Variants in PML observed in about 807,000 individuals in gnomAD.
PML encodes the protein protein PML.
Under a neutral mutation model 65.2 loss-of-function variants are expected in PML, and 28 were observed. That is an observed-to-expected ratio of 0.43 (90% CI 0.32 to 0.59). The LOEUF (loss-of-function observed/expected upper bound fraction) is 0.59. Ranked by LOEUF, PML falls within the 20% of genes least tolerant of loss-of-function variation. The pLI is 0.08. For synonymous variants in PML, 500 were observed against 508.8 expected (o/e 0.98, Z 0.23); for missense variants, 1,021 against 1,203.4 (o/e 0.85, Z 2.24).
intron 5 of PML, 94 bp from the exon 6 acceptor site, chr15:74,033,061 CA>C: frequency 7.2e-7 from 1 of 1,379,752 alleles, no homozygotes; most frequent in South Asian, 1.2e-5. Flanking sequence ...ACAGCAGGAG[CA>C]AAAGGGTGGC....
intron 2 of PML, among the ~76,000 whole-genome samples, chr15:74,007,661 G>A (rs1056400682): frequency 3.3e-5 from 5 of 152,184 alleles, no homozygotes; most frequent in Admixed American, 1.3e-4. Flanking sequence ...CCTGGGACTC[G>A]GGGTGTCTGC....
intron 2 of PML, among the ~76,000 whole-genome samples, chr15:74,020,154 C>T (rs1464948428): frequency 3.3e-5 from 5 of 152,116 alleles, no homozygotes; most frequent in South Asian, 2.1e-4. Context: ...TCTAATTAAA[C>T]GTAGCATTGA....
chr15:74,004,490 T>C (rs2069939076), intron 2 of PML, among the ~76,000 whole-genome samples: 1 of 152,090 alleles, frequency 6.6e-6, no homozygotes, highest in Non-Finnish European at 1.5e-5. Context: ...TATGTAGAGA[T>C]AGGGTCTCAC....
At chr15:74,029,268 AT>A (rs1274114084) in intron 4 of PML, among the ~76,000 whole-genome samples, 3 of 152,128 alleles carry the variant, frequency 2.0e-5, no homozygotes, top group Non-Finnish European at 4.4e-5. Context: ...TTGAAAAAAA[AT>A]ATATATTATA....
chr15:74,023,765 C>G (rs938103888), intron 3 of PML, among the ~76,000 whole-genome samples: 4 of 152,270 alleles, frequency 2.6e-5, no homozygotes, highest in Non-Finnish European at 5.9e-5. Context: ...TCTTAAGCCA[C>G]CGGTGTCTCG....
chr15:74,032,800 G>T, intron 5 of PML, 85 bp downstream of exon 5: 2 of 1,378,778 alleles, frequency 1.5e-6, no homozygotes, highest in Non-Finnish European at 2.1e-6. Flanking sequence ...TGGGAATCCA[G>T]GCCTTCATCA....
intron 2 of PML, among the ~76,000 whole-genome samples, chr15:74,000,768 A>G (rs1009467143): frequency 6.6e-6 from 1 of 151,944 alleles, no homozygotes; most frequent in South Asian, 2.1e-4. Flanking sequence ...TTGATCCAAG[A>G]TTTGTTGAAT....
At position 74,032,609 on chromosome 15, in the gene PML, C is replaced by T. The variant is rs1567135316; in HGVS notation, c.1292C>T (p.Ala431Val). ...GAGAGAGTGAAGGCCCAGGTTCAGG[C>T]CCTGGGGCTGGCTGAAGCCCAGCCT... The part of the protein sequence containing the change: ...EAERVKAQVQ[A>V]LGLAEAQPMA... Residue 431 changes from alanine to valine, a missense_variant, in exon 5 of 9, where the codon GCC becomes GTC. Transcript: ENST00000268058. The T allele has an allele frequency of 6.2e-7, 1 of 1,614,048 alleles. No individual in the cohort carries two copies. Among genetic ancestry groups the T allele is most frequent in the Non-Finnish European group, 8.5e-7 (1 of 1,179,892 alleles).
chr15:74,045,245 T>G lies in PML; in HGVS notation c.*237T>G. ...TGTGCACCAGACTCCTATTAGCCCC[T>G]CCTTCCAGGAGCTAGAACCAGGGAG... On this transcript the variant is annotated 3_prime_UTR_variant, in exon 9 of 9. Coordinates refer to ENST00000268058, the MANE Select transcript of PML (RefSeq NM_033238.3). 1.9e-6 allele frequency: 1 copy of G among 527,592 alleles called. No individual in the cohort carries two copies. Among genetic ancestry groups the G allele is most frequent in the South Asian group, 2.7e-5 (1 of 36,976 alleles). 32.7% of individuals were successfully genotyped at this position (527,592 alleles called of 1,614,324 possible).
At chr15:74,005,319 G>A (rs1250373740) in intron 2 of PML, among the ~76,000 whole-genome samples, 1 of 152,132 alleles carries the variant, frequency 6.6e-6, no homozygotes, top group South Asian at 2.1e-4. Flanking sequence ...CCAAAGTGCT[G>A]GGATTACAGG....
At chr15:74,014,323 ACT>A (rs2070464735) in intron 2 of PML, among the ~76,000 whole-genome samples, 1 of 151,994 alleles carries the variant, frequency 6.6e-6, no homozygotes, top group African/African-American at 2.4e-5. Flanking sequence ...CCTAGTTGGT[ACT>A]TAGTAATTTT....
chr15:74,013,203 A>G (rs1489187891), intron 2 of PML, among the ~76,000 whole-genome samples: 3 of 152,022 alleles, frequency 2.0e-5, no homozygotes, highest in Non-Finnish European at 4.4e-5. Flanking sequence ...CTTCTCCTCC[A>G]TCTTCCTTTT....
At chr15:74,024,207 G>A (rs1468999186) in intron 3 of PML, among the ~76,000 whole-genome samples, 3 of 152,188 alleles carry the variant, frequency 2.0e-5, no homozygotes, top group African/African-American at 7.2e-5. Context: ...TACTGGGAAA[G>A]GGGAGGGAGG....
chr15:74,042,890 G>A lies in PML; in HGVS notation c.1711-99G>A. 2.5e-6 allele frequency: 4 copies of A among 1,603,302 alleles called. No homozygotes were observed. In the South Asian group the frequency reaches 4.4e-5, roughly 18 times the overall value. ...CCCAGTGGTACACCCTCCTTCATGT[G>A]CACGCAGATGCTCCCAGCTATACCA... is the stretch of plus-strand genomic sequence containing the variant. On this transcript the variant is annotated intron_variant, in intron 7 of 8. Transcript: ENST00000268058. This position sits in a 1 kb window ranked among gnomAD's most constrained non-coding sequence, Gnocchi z 5.3.
At chr15:74,014,954 G>T (rs1461249969) in intron 2 of PML, among the ~76,000 whole-genome samples, 1 of 152,092 alleles carries the variant, frequency 6.6e-6, no homozygotes, top group East Asian at 1.9e-4. Flanking sequence ...GGATACACCA[G>T]CCATATGCCT....
At chr15:74,011,757 G>A (rs2070343220) in intron 2 of PML, among the ~76,000 whole-genome samples, 1 of 152,194 alleles carries the variant, frequency 6.6e-6, no homozygotes, top group Admixed American at 6.5e-5. Context: ...AGATTATCAG[G>A]AAGAGAGAAC....
chr15:74,040,103 G>A (rs772480680), intron 7 of PML, among the ~76,000 whole-genome samples: 2 of 151,752 alleles, frequency 1.3e-5, no homozygotes, highest in Non-Finnish European at 2.9e-5. Flanking sequence ...TGGCTCTCAC[G>A]AGGCTCAGCC....
Position 74,044,687 on chromosome 15 carries a change from G to A in PML, c.2328G>A (p.Gln776=), listed in dbSNP as rs1483607702. The change falls in exon 9 of 9, where the codon CAG becomes CAA. Residue 776 remains glutamine, a synonymous_variant. Coordinates refer to ENST00000268058, the MANE Select transcript of PML (RefSeq NM_033238.3). The part of the protein sequence containing the change: ...AQHVYPFSSL[Q]CFASLQPLVQ... ...ATGTCTACCCCTTCAGTAGCCTGCA[G>A]TGCTTTGCCTCCCTGCAGCCCCTGG... 4 of 1,607,052 alleles carry A rather than the reference G, an allele frequency of 2.5e-6. No individual in the cohort carries two copies. In the South Asian group the frequency reaches 4.4e-5, roughly 18 times the overall value.
chr15:74,031,226 A>C (rs752722991), intron 4 of PML: 1 of 440,808 alleles, frequency 2.3e-6, no homozygotes, highest in Non-Finnish European at 4.6e-6. Flanking sequence ...TGTAAATAGG[A>C]TCATACAATG....
Sources: allele counts gnomAD v4.1 joint callset (sites outside exome capture counted in the v4.1 genomes callset), GRCh38; gene constraint gnomAD v4.1.1; non-coding constraint Gnocchi (gnomAD v3.1); transcripts MANE v1.5; gene names NCBI Gene and HGNC (gene_info 2026-07-23, HGNC 2026-07-21).